Variants in RUNX2 observed in about 807,000 individuals in gnomAD.
RUNX2 encodes the protein RUNX family transcription factor 2.
A neutral mutation model predicts 51.7 loss-of-function variants in RUNX2; 10 were observed. The observed-to-expected ratio is 0.19, with a 90% CI of 0.12 to 0.33. RUNX2 has a LOEUF of 0.33. Ranked by LOEUF, RUNX2 falls within the 10% of genes least tolerant of loss-of-function variation. The pLI is 1.00. For missense variants in RUNX2, 562 were observed against 691.3 expected (o/e 0.81, Z 2.10); for synonymous variants, 276 against 273.6 (o/e 1.01, Z -0.09).
chr6:45,547,193 C>G lies in RUNX2; in HGVS notation c.1454C>G (p.Pro485Arg). ...TCGAATGGCAGCACGCTATTAAATC[C>G]AAATTTGCCTAACCAGAATGATGGT... is the stretch of plus-strand genomic sequence containing the variant. ...TTSNGSTLLN[P>R]NLPNQNDGVD... The change falls in exon 9 of 9, where the codon CCA becomes CGA. Residue 485 changes from proline (P) to arginine (R), a missense_variant. This residue lies in a region of RUNX2 where 304 missense variants were observed against 353.2 expected (regional missense o/e 0.86). Transcript: ENST00000647337. 1 of 1,614,126 alleles carries G rather than the reference C, an allele frequency of 6.2e-7. No homozygotes were observed. Among genetic ancestry groups the G allele is most frequent in the Non-Finnish European group, 8.5e-7 (1 of 1,180,020 alleles).
intron 7 of RUNX2, among the ~76,000 whole-genome samples, chr6:45,523,033 C>A (rs1801556211): frequency 6.6e-6 from 1 of 152,090 alleles, no homozygotes; most frequent in Admixed American, 6.5e-5. Context: ...TGCATGAATC[C>A]ACCTACTCAT....
In RUNX2 at chr6:45,547,482, G is replaced by A; in HGVS notation, c.*177G>A. On this transcript the variant is annotated 3_prime_UTR_variant, in exon 9 of 9. Transcript: ENST00000647337. ...ATGATCTTGCAGCCATAAGAGGGTA[G>A]ATATTGAGAAGCAGAAGGCTCAAGA... 1.6e-6 allele frequency: 1 copy of A among 628,456 alleles called. No homozygotes were observed. The highest frequency in any genetic ancestry group is 1.9e-5 in the South Asian group (1 of 52,790). The allele number at this position is 628,456 out of a possible 1,614,324, so 38.9% of individuals were successfully genotyped here.
chr6:45,356,738 GT>G (rs1419215217), intron 2 of RUNX2, among the ~76,000 whole-genome samples: 2 of 151,982 alleles, frequency 1.3e-5, no homozygotes, highest in African/African-American at 4.8e-5. Flanking sequence ...ATGTAAAAGT[GT>G]CCATCAGTCT....
At chr6:45,469,738 T>C (rs756048181) in intron 5 of RUNX2, among the ~76,000 whole-genome samples, 20 of 152,240 alleles carry the variant, frequency 1.3e-4, no homozygotes, top group Non-Finnish European at 1.9e-4. Context: ...CAAGATCTCC[T>C]TCTAACACAT....
intron 5 of RUNX2, among the ~76,000 whole-genome samples, chr6:45,450,220 AG>A (rs1426328175): frequency 2.0e-5 from 3 of 152,242 alleles, no homozygotes; most frequent in African/African-American, 7.2e-5. Context: ...TGTGATGTGA[AG>A]GGCCTGTGCT....
intron 7 of RUNX2, among the ~76,000 whole-genome samples, chr6:45,540,086 C>T (rs138633476): frequency 1.6e-3 from 241 of 152,194 alleles, no homozygotes; most frequent in African/African-American, 5.2e-3. Flanking sequence ...GCAAAGCTCC[C>T]GTGAGTGTCC....
chr6:45,350,531 A>C (rs1390772347), intron 2 of RUNX2, among the ~76,000 whole-genome samples: 2 of 152,200 alleles, frequency 1.3e-5, no homozygotes, highest in Non-Finnish European at 2.9e-5. Context: ...AAGACCAATA[A>C]TAGTCACAAA....
chr6:45,344,928 A>C (rs977993408), intron 2 of RUNX2, among the ~76,000 whole-genome samples: 2 of 152,164 alleles, frequency 1.3e-5, no homozygotes, highest in African/African-American at 4.8e-5. Flanking sequence ...ATAGTTTAGT[A>C]GTTGCCATGG....
rs552452786 is a variant in RUNX2 at position 45,540,526 on chromosome 6, G to A, written c.1022-4691G>A. On this transcript the variant is annotated intron_variant, in intron 7 of 8. Transcript: ENST00000647337. ...AGATCTACCATGCCTGCAGGTTTCC[G>A]TGTCTATAAAACTCATCTATAGAAC... is the stretch of plus-strand genomic sequence containing the variant. 6.6e-5 allele frequency among the ~76,000 whole-genome samples: 10 copies of A among 152,190 alleles called. No homozygotes were observed. The East Asian group carries it at 1.4e-3, about 21-fold the overall frequency.
intron 2 of RUNX2, among the ~76,000 whole-genome samples, chr6:45,363,190 G>A (rs1307518239): frequency 6.6e-6 from 1 of 152,082 alleles, no homozygotes; most frequent in African/African-American, 2.4e-5. Flanking sequence ...GGCTTCAATA[G>A]ACAACAGATA....
intron 5 of RUNX2, among the ~76,000 whole-genome samples, chr6:45,449,511 A>G (rs1799097912): frequency 6.6e-6 from 1 of 152,220 alleles, no homozygotes; most frequent in Non-Finnish European, 1.5e-5. Flanking sequence ...TGATTTATAG[A>G]GACAGGCAAG....
chr6:45,493,794 A>G (rs1303670698), intron 6 of RUNX2, among the ~76,000 whole-genome samples: 1 of 151,740 alleles, frequency 6.6e-6, no homozygotes, highest in Non-Finnish European at 1.5e-5. Context: ...ACACATATAT[A>G]TGTGTTTATA....
At chr6:45,374,951 A>G (rs1796570758) in intron 2 of RUNX2, among the ~76,000 whole-genome samples, 1 of 152,230 alleles carries the variant, frequency 6.6e-6, no homozygotes, top group Non-Finnish European at 1.5e-5. Context: ...TCACACCTGT[A>G]ATCCCAGAAC....
chr6:45,425,164 G>C (rs531996201), intron 3 of RUNX2, among the ~76,000 whole-genome samples: 1 of 152,224 alleles, frequency 6.6e-6, no homozygotes, highest in East Asian at 1.9e-4. Flanking sequence ...TATAAGAACA[G>C]ATGCTTACAT....
intron 7 of RUNX2, among the ~76,000 whole-genome samples, chr6:45,535,175 G>C (rs1801992227): frequency 6.6e-6 from 1 of 151,946 alleles, no homozygotes; most frequent in African/African-American, 2.4e-5. Flanking sequence ...GAAATAATCT[G>C]TATAACAAAC....
chr6:45,489,950 T>A (rs921503111), intron 5 of RUNX2, among the ~76,000 whole-genome samples: 3 of 152,184 alleles, frequency 2.0e-5, no homozygotes, highest in African/African-American at 7.2e-5. Flanking sequence ...GGTGTTTCAC[T>A]CTATATGATC....
intron 2 of RUNX2, among the ~76,000 whole-genome samples, chr6:45,347,910 T>G (rs1172472975): frequency 1.3e-5 from 2 of 152,158 alleles, no homozygotes; most frequent in Non-Finnish European, 2.9e-5. Context: ...TGGTTACCTG[T>G]GAATGAAAAA....
chr6:45,393,824 G>T (rs966383080), intron 2 of RUNX2, among the ~76,000 whole-genome samples: 8 of 152,058 alleles, frequency 5.3e-5, no homozygotes, highest in Admixed American at 2.0e-4. Flanking sequence ...TCTGGTGAGG[G>T]CCTCAGGAAG....
At chr6:45,520,212 G>C (rs905183841) in intron 7 of RUNX2, among the ~76,000 whole-genome samples, 1 of 152,044 alleles carries the variant, frequency 6.6e-6, no homozygotes, top group Non-Finnish European at 1.5e-5. Context: ...TTTTCCTTTT[G>C]TTGCTGACTT....
Sources: gnomAD v4.1 joint callset for allele counts (sites outside exome capture counted in the v4.1 genomes callset) on GRCh38, gnomAD v4.1.1 for gene constraint, gnomAD v4.1.1 regional missense constraint, MANE v1.5 for transcripts, NCBI Gene and HGNC (gene_info 2026-07-23, HGNC 2026-07-21) for gene names.